Variants in CACNA1C observed in about 807,000 individuals in gnomAD.
CACNA1C encodes calcium voltage-gated channel subunit alpha1 C.
In CACNA1C, 30 loss-of-function variants were observed where a neutral mutation model predicts 229.0. That is an observed-to-expected ratio of 0.13 (90% confidence interval 0.10 to 0.18). CACNA1C has a LOEUF of 0.18. Ranked by LOEUF, CACNA1C falls within the 10% of genes least tolerant of loss-of-function variation. The pLI, the probability that CACNA1C is intolerant of heterozygous loss-of-function variation, is 1.00. For synonymous variants in CACNA1C, 1,114 were observed against 1,132.5 expected, an observed-to-expected ratio of 0.98 and a Z score of 0.33; for missense variants, 1,658 against 2,845.0, an observed-to-expected ratio of 0.58 and a Z score of 9.49.
chr12:2,459,528 C>G (rs1458249028), intron 5 of CACNA1C, among the ~76,000 whole-genome samples: 2 of 152,192 alleles, frequency 1.3e-5, no homozygotes, highest in Non-Finnish European at 2.9e-5. Flanking sequence ...GCACGCAGAG[C>G]TGAGCACACA....
intron 5 of CACNA1C, among the ~76,000 whole-genome samples, chr12:2,460,887 G>A (rs2099496385): frequency 6.6e-6 from 1 of 152,196 alleles, no homozygotes; most frequent in Non-Finnish European, 1.5e-5. Context: ...CTGGAATAGT[G>A]TCTGTGCAGC....
At chr12:1,981,838 G>C (rs2036228171) in intron 1 of CACNA1C, among the ~76,000 whole-genome samples, 1 of 152,216 alleles carries the variant, frequency 6.6e-6, no homozygotes, top group Admixed American at 6.5e-5. Context: ...ATCTGGTAGA[G>C]ATTGGTCAGA....
At chr12:2,680,444 G>C in intron 42 of CACNA1C, 1 of 1,561,594 alleles carries the variant, frequency 6.4e-7, no homozygotes, top group Non-Finnish European at 8.7e-7. Flanking sequence ...GTCTGCATCA[G>C]CAGCTCCAGG....
intron 30 of CACNA1C, among the ~76,000 whole-genome samples, chr12:2,638,912 G>A (rs550584682): frequency 7.2e-5 from 11 of 152,308 alleles, no homozygotes; most frequent in African/African-American, 2.6e-4. Flanking sequence ...AGAGGCCTGG[G>A]GATGGAGTCA....
At chr12:2,259,240 G>C (rs1299823528) in intron 3 of CACNA1C, among the ~76,000 whole-genome samples, 1 of 152,132 alleles carries the variant, frequency 6.6e-6, no homozygotes, top group Non-Finnish European at 1.5e-5. Context: ...ACCCCGCCCT[G>C]CCCCACACGG....
intron 3 of CACNA1C, among the ~76,000 whole-genome samples, chr12:2,158,162 A>C (rs993509118): frequency 6.6e-6 from 1 of 152,208 alleles, no homozygotes; most frequent in Non-Finnish European, 1.5e-5. Flanking sequence ...CATTTGCTAG[A>C]ACAGAAGGAT....
At chr12:2,063,882 A>G (rs913767370) in intron 1 of CACNA1C, among the ~76,000 whole-genome samples, 5 of 152,128 alleles carry the variant, frequency 3.3e-5, no homozygotes, top group African/African-American at 1.2e-4. Context: ...ATCCATTTTT[A>G]GTTATTTTGG....
intron 1 of CACNA1C, among the ~76,000 whole-genome samples, chr12:2,018,779 T>C (rs1040782102): frequency 6.6e-6 from 1 of 152,162 alleles, no homozygotes; most frequent in African/African-American, 2.4e-5. Context: ...TATAAAAATA[T>C]AGTACTGTGC....
intron 1 of CACNA1C, among the ~76,000 whole-genome samples, chr12:2,083,979 G>A (rs1262979601): frequency 2.0e-5 from 3 of 152,116 alleles, no homozygotes; most frequent in Admixed American, 1.3e-4. Flanking sequence ...AGAAAAATTA[G>A]GTGTGTTGTT....
intron 3 of CACNA1C, among the ~76,000 whole-genome samples, chr12:2,267,164 C>T (rs924120124): frequency 3.9e-5 from 6 of 152,154 alleles, no homozygotes; most frequent in Admixed American, 6.5e-5. Flanking sequence ...GCCTGGCCCA[C>T]GGTGGGCGCT....
intron 1 of CACNA1C, among the ~76,000 whole-genome samples, chr12:2,061,552 C>T (rs1031319929): frequency 7.6e-6 from 1 of 131,316 alleles, no homozygotes; most frequent in African/African-American, 3.2e-5. Context: ...ACTGCTGGCA[C>T]TGCTGCTGTT....
chr12:2,585,955 T>A lies in CACNA1C; in HGVS notation c.2530+51T>A. ...GATTGGGAGATTGGGGGCAGAGATCTAAATTCTAAAGCCACGTGGGAGTGG... is the reference window on the plus strand; with the variant it reads ...GATTGGGAGATTGGGGGCAGAGATCAAAATTCTAAAGCCACGTGGGAGTGG... On this transcript the variant is annotated intron_variant, in intron 18 of 46. Transcript: ENST00000399655. The surrounding 1 kb of genome is among the most constrained non-coding windows in gnomAD (Gnocchi z 4.1). The A allele has an allele frequency of 8.2e-7, 1 of 1,220,438 alleles. No homozygotes were observed. The highest frequency in any genetic ancestry group is 1.2e-6 in the Non-Finnish European group (1 of 864,578). The allele number at this position is 1,220,438 out of a possible 1,614,324, so 75.6% of individuals were successfully genotyped here.
chr12:2,502,240 A>G (rs1321657398), intron 7 of CACNA1C, among the ~76,000 whole-genome samples: 1 of 152,228 alleles, frequency 6.6e-6, no homozygotes. Flanking sequence ...CACAGTACCT[A>G]GCACATATCA....
At chr12:2,315,132 A>T (rs2095622901) in intron 3 of CACNA1C, among the ~76,000 whole-genome samples, 1 of 152,176 alleles carries the variant, frequency 6.6e-6, no homozygotes, top group Non-Finnish European at 1.5e-5. Flanking sequence ...CCCGGGTCAC[A>T]CTTTCCCCCA....
chr12:2,233,366 G>A (rs1394869478), intron 3 of CACNA1C, among the ~76,000 whole-genome samples: 2 of 152,224 alleles, frequency 1.3e-5, no homozygotes, highest in Non-Finnish European at 2.9e-5. Flanking sequence ...TGTACACTGT[G>A]TGTTGGGCCT....
chr12:2,179,778 A>G (rs2096775619), intron 3 of CACNA1C, among the ~76,000 whole-genome samples: 1 of 152,214 alleles, frequency 6.6e-6, no homozygotes, highest in African/African-American at 2.4e-5. Context: ...TGTTCAATGG[A>G]TATATGCTTG....
chr12:2,529,687 C>G (rs1025567710), intron 9 of CACNA1C, among the ~76,000 whole-genome samples: 6 of 152,206 alleles, frequency 3.9e-5, no homozygotes, highest in Non-Finnish European at 2.9e-5. Context: ...ATCTTCCATT[C>G]CTTGCCTGTC....
At chr12:2,535,878 G>A (rs1217141020) in intron 9 of CACNA1C, among the ~76,000 whole-genome samples, 1 of 152,200 alleles carries the variant, frequency 6.6e-6, no homozygotes, top group Non-Finnish European at 1.5e-5. Flanking sequence ...ACATAGCAGG[G>A]CAAGCTGATC....
intron 3 of CACNA1C, among the ~76,000 whole-genome samples, chr12:2,305,002 G>A (rs1019326663): frequency 2.0e-5 from 3 of 152,130 alleles, no homozygotes; most frequent in Non-Finnish European, 2.9e-5. Context: ...AGCTGTGTGC[G>A]GGTGTTTGCA....
Sources: gnomAD v4.1 joint callset for allele counts (sites outside exome capture counted in the v4.1 genomes callset) on GRCh38, gnomAD v4.1.1 for gene constraint, Gnocchi (gnomAD v3.1) non-coding constraint, MANE v1.5 for transcripts, NCBI Gene and HGNC (gene_info 2026-07-23, HGNC 2026-07-21) for gene names.